Variants in HMCN2 observed in about 807,000 individuals in gnomAD.
HMCN2 encodes hemicentin-2.
In HMCN2, 325 loss-of-function variants were observed where a neutral mutation model predicts 377.5. That is an observed-to-expected ratio of 0.86 (90% CI 0.79 to 0.94). The LOEUF (loss-of-function observed/expected upper bound fraction) is 0.94. HMCN2 is among the 40% of genes least tolerant of loss of function. The pLI is 0.00. For missense variants in HMCN2, 4,543 were observed against 4,725.3 expected, an observed-to-expected ratio of 0.96 and a Z score of 1.13; for synonymous variants, 2,007 against 2,046.8, an observed-to-expected ratio of 0.98 and a Z score of 0.53.
intron 96 of HMCN2, 128 bp downstream of exon 96, chr9:130,431,614 G>C (rs937064207): frequency 7.3e-7 from 1 of 1,366,688 alleles, no homozygotes; most frequent in South Asian, 1.4e-5. Context: ...GAGGTGGGGC[G>C]GGGAGGCAGG....
intron 1 of HMCN2, among the ~76,000 whole-genome samples, chr9:130,275,150 T>C (rs183530026): frequency 0.014 from 2,112 of 152,052 alleles, 38 homozygotes; most frequent in African/African-American, 0.047. Flanking sequence ...GTTTTTTTGC[T>C]AGTTTCCTAG....
At chr9:130,363,122 C>A in intron 40 of HMCN2, 132 bp downstream of exon 40, 1 of 709,130 alleles carries the variant, frequency 1.4e-6, no homozygotes, top group Non-Finnish European at 1.7e-6. Context: ...CAGCTGCCTT[C>A]CAGTAGGAAT....
At chr9:130,301,082 T>C (rs1836478819) in intron 8 of HMCN2, among the ~76,000 whole-genome samples, 1 of 152,240 alleles carries the variant, frequency 6.6e-6, no homozygotes, top group Non-Finnish European at 1.5e-5. Context: ...GGGCCAGCTC[T>C]TGAGGCTGGC....
At chr9:130,279,383 C>T (rs1199526147) in intron 1 of HMCN2, among the ~76,000 whole-genome samples, 5 of 151,994 alleles carry the variant, frequency 3.3e-5, no homozygotes, top group Admixed American at 6.6e-5. Flanking sequence ...GATGGAGTCT[C>T]GCTCTATCAC....
At chr9:130,327,659 G>A (rs1838212989) in intron 22 of HMCN2, among the ~76,000 whole-genome samples, 184 bp downstream of exon 22, 2 of 152,218 alleles carry the variant, frequency 1.3e-5, no homozygotes, top group African/African-American at 2.4e-5. Context: ...GGCCTCTAGA[G>A]GGTGCCTGGA....
rs947232659 is a variant in HMCN2, at chr9:130,304,833, G to A, written c.1647G>A (p.Thr549=). ...RVLGEAPYNL[T]WVRDWRVLPA... ...TAGGCGAGGCCCCCTACAACCTGAC[G>A]TGGGTCCGGGACTGGCGAGTCCTGC... Residue 549 remains threonine, a synonymous_variant, in exon 11 of 98, where the codon ACG becomes ACA. Transcript: ENST00000683500. This position sits in a 1 kb window ranked among gnomAD's most constrained non-coding sequence, Gnocchi z 4.3. 14 of 471,050 alleles carry A rather than the reference G, an allele frequency of 3.0e-5. No individual in the cohort carries two copies. In the Middle Eastern group the frequency reaches 1.6e-3, roughly 54 times the overall value. The allele number at this position is 471,050 out of a possible 1,614,324, so 29.2% of individuals were successfully genotyped here. A position where few individuals can be genotyped will look rare whatever the true frequency, so the allele number is the denominator to read the frequency against.
intron 71 of HMCN2, 65 bp downstream of exon 71, chr9:130,395,412 G>A: frequency 8.3e-7 from 1 of 1,210,068 alleles, no homozygotes; most frequent in Non-Finnish European, 1.1e-6. Context: ...ACCTGACCTG[G>A]CCGGATCCAA....
At chr9:130,349,835 C>T (rs1180386234) in intron 29 of HMCN2, among the ~76,000 whole-genome samples, 172 bp downstream of exon 29, 1 of 151,732 alleles carries the variant, frequency 6.6e-6, no homozygotes, top group East Asian at 1.9e-4. Flanking sequence ...AGGAGATTAG[C>T]CAGGGAGACC....
intron 1 of HMCN2, among the ~76,000 whole-genome samples, chr9:130,282,831 G>A (rs1362545206): frequency 6.6e-6 from 1 of 152,170 alleles, no homozygotes; most frequent in African/African-American, 2.4e-5. Context: ...AGCACTTTGG[G>A]AGGCTGAGGT....
At chr9:130,425,645 T>TCCCCCCCCCCCCCCC in intron 89 of HMCN2, 42 bp from the exon 90 acceptor site, 2 of 683,082 alleles carry the variant, frequency 2.9e-6, no homozygotes, top group Non-Finnish European at 4.9e-6. Flanking sequence ...TTTCTCCCTC[T>TCCCCCCCCCCCCCCC]CCCCCACCCC....
rs782627150 is a variant in HMCN2 at position 130,295,730 on chromosome 9, C to T, written c.849C>T (p.Val283=). 12 of 470,934 alleles carry T rather than the reference C, an allele frequency of 2.5e-5. No homozygotes were observed. The East Asian group carries it at 2.8e-4, about 11-fold the overall frequency. The allele number at this position is 470,934 out of a possible 1,614,324, so 29.2% of individuals were successfully genotyped here. Residue 283 remains valine, a synonymous_variant, in exon 6 of 98, where the codon GTC becomes GTT. Transcript: ENST00000683500. ...TCAACATCCCTGACTCGGCCAAGGT[C>T]GTAGCCTTTAAGCCTGAGCATCCGG... ...VLLNIPDSAK[V]VAFKPEHPGL...
intron 14 of HMCN2, among the ~76,000 whole-genome samples, chr9:130,309,539 G>GA (rs1421510464): frequency 4.9e-5 from 7 of 142,506 alleles, no homozygotes; most frequent in African/African-American, 1.6e-4. Context: ...AAAAAAAAAG[G>GA]AAAAAAAAGA....
chr9:130,291,978 G>C (rs1442662522), intron 4 of HMCN2, among the ~76,000 whole-genome samples: 1 of 146,786 alleles, frequency 6.8e-6, no homozygotes, highest in Non-Finnish European at 1.5e-5. Flanking sequence ...CCTGTCCCAT[G>C]TTCTGGATTC....
chr9:130,406,016 G>A lies in HMCN2; in HGVS notation c.12401G>A (p.Arg4134His), dbSNP rs201484778. 1.2e-4 allele frequency: 161 copies of A among 1,289,814 alleles called. No homozygotes were observed. Among genetic ancestry groups the A allele is most frequent in the Non-Finnish European group, 1.2e-4 (123 of 988,868 alleles). The allele number at this position is 1,289,814 out of a possible 1,614,324, so 79.9% of individuals were successfully genotyped here. The stretch of plus-strand genomic sequence containing the variant: ...AACGCCGTGGGCCGGGCCCGCCGCC[G>A]CGTGCACCTCACCATCCTGGTACTG... Reference protein sequence around the residue: ...AENAVGRARRRVHLTILVLPV... With the variant: ...AENAVGRARRHVHLTILVLPV... The change falls in exon 82 of 98, where the codon CGC (arginine) becomes CAC (histidine). Residue 4134 changes from arginine to histidine, a missense_variant. Arg to His is a conservative substitution (Grantham distance 29, BLOSUM62 0). Coordinates refer to ENST00000683500, the MANE Select transcript of HMCN2 (RefSeq NM_001291815.2).
At chr9:130,301,207 G>T (rs1334395264) in intron 8 of HMCN2, among the ~76,000 whole-genome samples, 1 of 152,216 alleles carries the variant, frequency 6.6e-6, no homozygotes, top group African/African-American at 2.4e-5. Context: ...CAGCCTCCCA[G>T]CTTCCACTCC....
Position 130,431,407 on chromosome 9 carries a change from C to G in HMCN2, c.14688C>G (p.Ala4896=), listed in dbSNP as rs976670374. ...ECRVRNLCQH[A]CRNTEGSYQC... ...GCGTGAGGAACCTGTGTCAGCACGC[C>G]TGCCGCAACACTGAGGGCAGCTACC... The change falls in exon 96 of 98, where the codon GCC becomes GCG. Residue 4896 remains alanine (A), a synonymous_variant. Coordinates refer to ENST00000683500, the MANE Select transcript of HMCN2 (RefSeq NM_001291815.2). The G allele has an allele frequency of 5.2e-5, 81 of 1,550,122 alleles. No individual in the cohort carries two copies. Among genetic ancestry groups the G allele is most frequent in the Non-Finnish European group, 6.6e-5 (76 of 1,146,854 alleles).
At chr9:130,405,401 G>A (rs1385695221) in intron 81 of HMCN2, among the ~76,000 whole-genome samples, 1 of 152,222 alleles carries the variant, frequency 6.6e-6, no homozygotes, top group East Asian at 1.9e-4. Context: ...CTGGGTTTTG[G>A]GGAGTGTTGA....
intron 29 of HMCN2, among the ~76,000 whole-genome samples, 182 bp downstream of exon 29, chr9:130,349,845 C>G (rs1839604148): frequency 6.6e-6 from 1 of 151,932 alleles, no homozygotes; most frequent in Admixed American, 6.6e-5. Context: ...CCAGGGAGAC[C>G]CCACTCTTAC....
rs1253833593 is a variant in HMCN2, at chr9:130,337,530, A to G, written c.3360-364A>G. 4.6e-5 allele frequency among the ~76,000 whole-genome samples: 7 copies of G among 152,062 alleles called. No individual in the cohort carries two copies. The East Asian group carries it at 1.4e-3, about 29-fold the overall frequency. Reference sequence around the variant, plus strand: ...GCTGAGCCTGTGATAGACTCCGTTTACCAGCCCTGGCCCAGACACAGGCCG... The same window carrying G: ...GCTGAGCCTGTGATAGACTCCGTTTGCCAGCCCTGGCCCAGACACAGGCCG... On this transcript the variant is annotated intron_variant, in intron 22 of 97. Transcript: ENST00000683500.
Sources: gnomAD v4.1 joint callset for allele counts (sites outside exome capture counted in the v4.1 genomes callset) on GRCh38, gnomAD v4.1.1 for gene constraint, Gnocchi (gnomAD v3.1) non-coding constraint, MANE v1.5 for transcripts, NCBI Gene and HGNC (gene_info 2026-07-23, HGNC 2026-07-21) for gene names.